NDUFAF6: variants seen among roughly 807,000 people sequenced by gnomAD.
NDUFAF6 encodes NADH dehydrogenase (ubiquinone) complex I, assembly factor 6.
In NDUFAF6, 45 loss-of-function variants were observed where a neutral mutation model predicts 40.8. The observed-to-expected ratio is 1.10, with a 90% confidence interval of 0.87 to 1.42. The LOEUF (loss-of-function observed/expected upper bound fraction) is 1.42. Among genes scored for constraint, NDUFAF6 ranks in the 40% most tolerant of loss-of-function variants. The pLI is 0.00. For synonymous variants in NDUFAF6, 185 were observed against 155.9 expected, an observed-to-expected ratio of 1.19 and a Z score of -1.39; for missense variants, 435 against 418.5, an observed-to-expected ratio of 1.04 and a Z score of -0.34.
chr8:95,010,295 G>T (rs1442769810), intron 2 of NDUFAF6, among the ~76,000 whole-genome samples: 1 of 152,038 alleles, frequency 6.6e-6, no homozygotes, highest in Non-Finnish European at 1.5e-5. Flanking sequence ...TGCTATGTTG[G>T]CCAGCCTGGT....
At chr8:95,095,849 G>C (rs1809443970), upstream of NDUFAF6, among the ~76,000 whole-genome samples, 1 of 152,014 alleles carries the variant, frequency 6.6e-6, no homozygotes, top group African/African-American at 2.4e-5. Flanking sequence ...ATTTTTAGTA[G>C]AGATGGGGTT....
intron 1 of NDUFAF6, chr8:94,896,633 G>T (rs985245991): frequency 6.6e-6 from 1 of 152,028 alleles, no homozygotes; most frequent in Non-Finnish European, 1.5e-5. Context: ...GGCCCTGAGC[G>T]AGCCGGACGG....
intron 4 of NDUFAF6, among the ~76,000 whole-genome samples, chr8:95,045,178 G>C (rs999664682): frequency 2.6e-5 from 4 of 152,014 alleles, no homozygotes; most frequent in Non-Finnish European, 2.9e-5. Flanking sequence ...ATCTCTTGGA[G>C]GGGGGGTTGT....
At chr8:95,005,893 G>C (rs964432368) in intron 2 of NDUFAF6, among the ~76,000 whole-genome samples, 1 of 152,018 alleles carries the variant, frequency 6.6e-6, no homozygotes, top group Non-Finnish European at 1.5e-5. Flanking sequence ...GCTTCCCCAG[G>C]AGACAATGCA....
At chr8:94,966,239 C>T (rs895561974) in intron 1 of NDUFAF6, among the ~76,000 whole-genome samples, 2 of 152,052 alleles carry the variant, frequency 1.3e-5, no homozygotes, top group African/African-American at 2.4e-5. Flanking sequence ...AGGGACGGAC[C>T]CTGGGGACTT....
At chr8:94,963,626 A>G (rs759091654) in intron 1 of NDUFAF6, among the ~76,000 whole-genome samples, 8 of 152,240 alleles carry the variant, frequency 5.3e-5, no homozygotes, top group Non-Finnish European at 7.3e-5. Context: ...GTAGCCAGAC[A>G]TCTAACTAGG....
intron 1 of NDUFAF6, among the ~76,000 whole-genome samples, chr8:95,100,902 C>T (rs1419676289): frequency 6.6e-6 from 1 of 152,178 alleles, no homozygotes; most frequent in Non-Finnish European, 1.5e-5. Flanking sequence ...ACCCCCCTCG[C>T]CCCAAGGTTA....
chr8:94,904,322 T>C (rs865801308), intron 1 of NDUFAF6, among the ~76,000 whole-genome samples: 3,566 of 40,054 alleles, frequency 0.089, 64 homozygotes, highest in Non-Finnish European at 0.11. Flanking sequence ...TTTTTTTGCT[T>C]TTTTTTTTTT....
intron 1 of NDUFAF6, among the ~76,000 whole-genome samples, chr8:94,944,251 A>T (rs1319939498): frequency 6.6e-6 from 1 of 152,132 alleles, no homozygotes; most frequent in African/African-American, 2.4e-5. Context: ...TCCTGAACGA[A>T]TGCCTTGTCC....
At chr8:95,028,981 T>C (rs772676358) in intron 1 of NDUFAF6, among the ~76,000 whole-genome samples, 5 of 152,234 alleles carry the variant, frequency 3.3e-5, no homozygotes, top group Admixed American at 2.0e-4. Context: ...TTAGCAGTAC[T>C]CTTGAGATAG....
intron 1 of NDUFAF6, among the ~76,000 whole-genome samples, chr8:94,959,101 C>T (rs991375378): frequency 1.3e-5 from 2 of 152,044 alleles, no homozygotes; most frequent in Admixed American, 1.3e-4. Context: ...GGTAGCAAAG[C>T]CTGAGTACCT....
intron 2 of NDUFAF6, among the ~76,000 whole-genome samples, chr8:94,992,675 C>G (rs1018647595): frequency 1.3e-5 from 2 of 152,166 alleles, no homozygotes; most frequent in African/African-American, 4.8e-5. Context: ...GGCCATTTCT[C>G]AGTTTCTGTC....
Position 95,035,506 on chromosome 8 carries a change from G to A in NDUFAF6, c.350G>A (p.Trp117Ter). The A allele has an allele frequency of 6.2e-7, 1 of 1,612,962 alleles. No individual in the cohort carries two copies. The highest frequency in any genetic ancestry group is 8.5e-7 in the Non-Finnish European group (1 of 1,179,626). ...ATTGGACTGATGCGAATGCAGTTTTGGAAAAAAACTGTGGAAGATATATAC... is the reference window on the plus strand; with the variant it reads ...ATTGGACTGATGCGAATGCAGTTTTAGAAAAAAACTGTGGAAGATATATAC... ...KTIGLMRMQF[W>*]KKTVEDIYCD... Residue 117 changes from tryptophan (W) to a stop codon, truncating the protein, a stop_gained, in exon 3 of 9, where the codon TGG becomes TAG. Coordinates refer to ENST00000396124, the MANE Select transcript of NDUFAF6 (RefSeq NM_152416.4). LOFTEE classifies it high-confidence loss of function.
chr8:94,999,169 G>A (rs1424474287), intron 2 of NDUFAF6, among the ~76,000 whole-genome samples: 1 of 149,934 alleles, frequency 6.7e-6, no homozygotes, highest in Non-Finnish European at 1.5e-5. Context: ...CTGTCACCAG[G>A]CTAGAGTGTA....
chr8:94,983,620 A>G (rs1825622516), intron 2 of NDUFAF6, among the ~76,000 whole-genome samples: 1 of 152,158 alleles, frequency 6.6e-6, no homozygotes, highest in Non-Finnish European at 1.5e-5. Context: ...TTTCATTATC[A>G]TGATCTCATT....
chr8:95,074,607 T>C (rs2132041830), intron 9 of NDUFAF6, among the ~76,000 whole-genome samples: 1 of 152,354 alleles, frequency 6.6e-6, no homozygotes, highest in Non-Finnish European at 1.5e-5. Context: ...GCATTTCCTC[T>C]GCCTCTGTCA....
At chr8:95,080,177 T>TG (rs1808779689), downstream of NDUFAF6, among the ~76,000 whole-genome samples, 1 of 151,124 alleles carries the variant, frequency 6.6e-6, no homozygotes, top group Non-Finnish European at 1.5e-5. Flanking sequence ...AGTGTATTTT[T>TG]GTAGCGTATT....
At chr8:95,078,272 A>G (rs1808697558), downstream of NDUFAF6, among the ~76,000 whole-genome samples, 1 of 152,072 alleles carries the variant, frequency 6.6e-6, no homozygotes, top group Admixed American at 6.6e-5. Context: ...TAGTGTGGAG[A>G]ACTTCTGTGG....
At chr8:94,987,859 GT>G (rs1211603578) in intron 2 of NDUFAF6, among the ~76,000 whole-genome samples, 1 of 152,198 alleles carries the variant, frequency 6.6e-6, no homozygotes, top group African/African-American at 2.4e-5. Context: ...CTAGGCTGGT[GT>G]TTAATTCCAA....
Sources: gnomAD v4.1 joint callset for allele counts (sites outside exome capture counted in the v4.1 genomes callset) on GRCh38, gnomAD v4.1.1 for gene constraint, MANE v1.5 for transcripts, NCBI Gene and HGNC (gene_info 2026-07-23, HGNC 2026-07-21) for gene names.